TJP1: variants seen among roughly 807,000 people sequenced by gnomAD.
TJP1 encodes the protein tight junction protein 1.
TJP1 carries 43 observed loss-of-function variants against 194.2 expected under a neutral mutation model. The ratio of observed to expected loss-of-function variants is 0.22; its 90% CI spans 0.17 to 0.29. TJP1 has a LOEUF of 0.29. TJP1 is among the 10% of genes least tolerant of loss of function. The probability of loss-of-function intolerance (pLI) is 1.00; values close to 1 mark genes in which losing one functional copy is unlikely to be tolerated. For synonymous variants in TJP1, 801 were observed against 779.0 expected, an observed-to-expected ratio of 1.03 and a Z score of -0.47; for missense variants, 1,971 against 2,185.7, an observed-to-expected ratio of 0.90 and a Z score of 1.96.
At chr15:29,849,159 C>T (rs949154890) in intron 2 of TJP1, among the ~76,000 whole-genome samples, 2 of 151,806 alleles carry the variant, frequency 1.3e-5, no homozygotes, top group African/African-American at 2.4e-5. Context: ...TAGGCTTGAC[C>T]CTTGGCTAAA....
intron 2 of TJP1, among the ~76,000 whole-genome samples, chr15:29,838,770 T>C (rs1241451686): frequency 1.3e-5 from 2 of 152,038 alleles, no homozygotes; most frequent in Admixed American, 1.3e-4. Context: ...CCTACACCCA[T>C]CCTCTCTCCC....
chr15:29,743,736 GA>G (rs1353846151), intron 8 of TJP1, among the ~76,000 whole-genome samples: 1 of 151,268 alleles, frequency 6.6e-6, no homozygotes, highest in Non-Finnish European at 1.5e-5. Flanking sequence ...CTTTGAAAAA[GA>G]AAAAAAGAAC....
chr15:29,911,282 G>A (rs1049743660), intron 2 of TJP1, among the ~76,000 whole-genome samples: 1 of 152,148 alleles, frequency 6.6e-6, no homozygotes, highest in Admixed American at 6.5e-5. Context: ...ACAGAGCTGA[G>A]TTGCTGTTTC....
intron 2 of TJP1, among the ~76,000 whole-genome samples, chr15:29,915,770 A>G (rs549923218): frequency 4.8e-5 from 7 of 145,190 alleles, no homozygotes; most frequent in Non-Finnish European, 1.1e-4. Context: ...AAAACTTTTA[A>G]AATTAAAATT....
At chr15:29,747,539 T>A (rs1291284364) in intron 8 of TJP1, among the ~76,000 whole-genome samples, 1 of 152,140 alleles carries the variant, frequency 6.6e-6, no homozygotes, top group African/African-American at 2.4e-5. Context: ...AAAAATAAGT[T>A]AAAATGAGTA....
At chr15:29,905,383 A>G (rs2152209117) in intron 2 of TJP1, among the ~76,000 whole-genome samples, 2 of 152,354 alleles carry the variant, frequency 1.3e-5, no homozygotes, top group South Asian at 4.1e-4. Context: ...ATGTTCAAAA[A>G]TTTAAAATAA....
At chr15:29,802,556 G>A (rs2048855306) in intron 1 of TJP1, among the ~76,000 whole-genome samples, 2 of 150,310 alleles carry the variant, frequency 1.3e-5, no homozygotes, top group Admixed American at 1.3e-4. Context: ...GACCTCCACT[G>A]GAAACAAAGC....
intron 2 of TJP1, among the ~76,000 whole-genome samples, chr15:29,937,982 CAA>C (rs1268663083): frequency 1.3e-5 from 2 of 152,188 alleles, no homozygotes; most frequent in African/African-American, 4.8e-5. Flanking sequence ...TTAACATACT[CAA>C]GAGGAAAAGA....
In TJP1 at chr15:29,858,465, G is replaced by A. The variant is rs149892848; in HGVS notation, c.307-57763C>T. Among the ~76,000 whole-genome samples the A allele has an allele frequency of 6.4e-4, 98 of 152,298 alleles. 1 individual carries two copies. The highest frequency in any genetic ancestry group is 2.3e-3 in the African/African-American group (96 of 41,580). ...AATATTAATCCAATGATTATATACT[G>A]AGTCCCTAGTATGTGCCAGGCACTG... On this transcript the variant is annotated intron_variant, in intron 2 of 28. Coordinates refer to the TJP1 transcript ENST00000356107.
intron 11 of TJP1, among the ~76,000 whole-genome samples, chr15:29,735,215 G>GAA (rs200675953): frequency 1.5e-5 from 2 of 133,340 alleles, no homozygotes; most frequent in East Asian, 2.1e-4. Flanking sequence ...GATTAAAAAA[G>GAA]AAAAAAAAAA....
intron 2 of TJP1, among the ~76,000 whole-genome samples, chr15:29,793,016 C>T (rs1219127746): frequency 6.6e-6 from 1 of 152,122 alleles, no homozygotes; most frequent in African/African-American, 2.4e-5. Context: ...TGGTAGAGTC[C>T]TTAGGTTTTT....
chr15:29,853,103 TG>T (rs1325243395), intron 2 of TJP1, among the ~76,000 whole-genome samples: 1 of 152,220 alleles, frequency 6.6e-6, no homozygotes, highest in African/African-American at 2.4e-5. Context: ...ACAACTTGGA[TG>T]TATCTCTAGG....
In TJP1 at chr15:29,933,197, C is replaced by G. The variant is rs542564721; in HGVS notation, c.306+23035G>C. ...GGGTCCAAAGTGAGGGTGGCTTATT[C>G]AAGTGATGACATCCATCAGTCAGTA... On this transcript the variant is annotated intron_variant, in intron 2 of 28. Coordinates refer to the TJP1 transcript ENST00000356107. Among the ~76,000 whole-genome samples the G allele has an allele frequency of 3.3e-5, 5 of 152,164 alleles. No homozygotes were observed. The East Asian group carries it at 9.7e-4, about 29-fold the overall frequency.
intron 24 of TJP1, 94 bp downstream of exon 24, chr15:29,710,737 A>AT: frequency 1.3e-6 from 2 of 1,510,204 alleles, no homozygotes; most frequent in East Asian, 2.3e-5. Flanking sequence ...TCAAGCATGT[A>AT]TTTTTTAATG....
At chr15:29,848,820 C>T (rs917975679) in intron 2 of TJP1, among the ~76,000 whole-genome samples, 4 of 152,132 alleles carry the variant, frequency 2.6e-5, no homozygotes, top group African/African-American at 7.2e-5. Flanking sequence ...GATCACACCA[C>T]TGAACACCAG....
At chr15:29,910,218 G>C (rs938604744) in intron 2 of TJP1, among the ~76,000 whole-genome samples, 4 of 152,126 alleles carry the variant, frequency 2.6e-5, no homozygotes, top group African/African-American at 7.2e-5. Context: ...ACTAAGAAAT[G>C]TTACAGAAAC....
intron 2 of TJP1, among the ~76,000 whole-genome samples, chr15:29,799,752 TCTA>T (rs1567052549): frequency 1.3e-5 from 2 of 152,206 alleles, no homozygotes; most frequent in East Asian, 1.9e-4. Flanking sequence ...TTACCCATTA[TCTA>T]CTATGTGCAG....
chr15:29,875,241 G>A (rs1035087287), intron 2 of TJP1, among the ~76,000 whole-genome samples: 3 of 152,214 alleles, frequency 2.0e-5, no homozygotes, highest in Non-Finnish European at 4.4e-5. Context: ...ATAAGGCACT[G>A]TGGCCATCCG....
chr15:29,705,507 G>C, intron 26 of TJP1, 21 bp downstream of exon 26: 1 of 1,612,526 alleles, frequency 6.2e-7, no homozygotes, highest in Non-Finnish European at 8.5e-7. Flanking sequence ...CAAAACTAAG[G>C]AGAAAAATAA....
Sources: allele counts gnomAD v4.1 joint callset (sites outside exome capture counted in the v4.1 genomes callset), GRCh38; gene constraint gnomAD v4.1.1; transcripts MANE v1.5; gene names NCBI Gene and HGNC (gene_info 2026-07-23, HGNC 2026-07-21).